KCNIP4: variants seen among roughly 807,000 people sequenced by gnomAD.
The protein encoded by KCNIP4 is Kv channel-interacting protein 4.
KCNIP4 carries 12 observed loss-of-function variants against 34.0 expected under a neutral mutation model. That is an observed-to-expected ratio of 0.35 (90% CI 0.23 to 0.57). The LOEUF (loss-of-function observed/expected upper bound fraction) is 0.57, where lower values mean the gene tolerates loss of function less well. KCNIP4 is among the 20% of genes least tolerant of loss of function. The probability of loss-of-function intolerance (pLI) is 0.83; values close to 1 mark genes in which losing one functional copy is unlikely to be tolerated. For missense variants in KCNIP4, 238 were observed against 311.7 expected (o/e 0.76, Z 1.78); for synonymous variants, 124 against 102.2 (o/e 1.21, Z -1.29).
chr4:21,728,040 T>C (rs1487870577), intron 1 of KCNIP4, among the ~76,000 whole-genome samples: 1 of 152,144 alleles, frequency 6.6e-6, no homozygotes, highest in Admixed American at 6.6e-5. Context: ...TTCTGTCTTC[T>C]GGACTCCTGT....
At chr4:21,130,897 G>A (rs904388713) in intron 1 of KCNIP4, among the ~76,000 whole-genome samples, 3 of 152,078 alleles carry the variant, frequency 2.0e-5, no homozygotes, top group Non-Finnish European at 1.5e-5. Context: ...CAAAAACACT[G>A]TAAATTAAAA....
chr4:21,829,686 C>T (rs1187263752), intron 1 of KCNIP4, among the ~76,000 whole-genome samples: 1 of 151,070 alleles, frequency 6.6e-6, no homozygotes, highest in Admixed American at 6.6e-5. Flanking sequence ...CCTATAGCAG[C>T]CATAAAAAAT....
At chr4:21,025,536 T>G (rs962614297) in intron 1 of KCNIP4, among the ~76,000 whole-genome samples, 1 of 125,510 alleles carries the variant, frequency 8.0e-6, no homozygotes. Context: ...GGTCACTCAT[T>G]GATACTGTTT....
At chr4:20,790,726 A>G (rs945480497) in intron 3 of KCNIP4, among the ~76,000 whole-genome samples, 1 of 152,176 alleles carries the variant, frequency 6.6e-6, no homozygotes, top group Non-Finnish European at 1.5e-5. Context: ...AAGTTGACAA[A>G]GCCATAAGAA....
chr4:21,795,421 T>C (rs1319842172), intron 1 of KCNIP4, among the ~76,000 whole-genome samples: 1 of 152,178 alleles, frequency 6.6e-6, no homozygotes, highest in Non-Finnish European at 1.5e-5. Flanking sequence ...CCAGTACAGT[T>C]CTCAAAGGGA....
At chr4:21,929,389 T>TA (rs1729439049) in intron 1 of KCNIP4, among the ~76,000 whole-genome samples, 3 of 152,294 alleles carry the variant, frequency 2.0e-5, no homozygotes, top group Admixed American at 2.0e-4. Context: ...AATCCCCAGG[T>TA]ATTTGTTACT....
intron 1 of KCNIP4, among the ~76,000 whole-genome samples, chr4:21,051,517 T>C (rs1170761590): frequency 6.6e-6 from 1 of 152,168 alleles, no homozygotes. Context: ...ATGGAACTCA[T>C]TGGTTTGAAT....
At chr4:21,339,220 A>G (rs921522259) in intron 1 of KCNIP4, among the ~76,000 whole-genome samples, 1 of 152,224 alleles carries the variant, frequency 6.6e-6, no homozygotes, top group Admixed American at 6.5e-5. Flanking sequence ...GTGTTATCCA[A>G]TTGCAGAAAT....
chr4:20,879,605 T>C (rs1445840233), intron 2 of KCNIP4, among the ~76,000 whole-genome samples: 5 of 152,230 alleles, frequency 3.3e-5, no homozygotes, highest in African/African-American at 1.2e-4. Context: ...ATCTTTGTCA[T>C]ATGCTGCTTC....
At chr4:21,220,253 G>C (rs927338404) in intron 1 of KCNIP4, among the ~76,000 whole-genome samples, 1 of 152,064 alleles carries the variant, frequency 6.6e-6, no homozygotes, top group Non-Finnish European at 1.5e-5. Flanking sequence ...CTCTAACCAT[G>C]GGCACAAATT....
chr4:21,101,268 T>A (rs1747918386), intron 1 of KCNIP4, among the ~76,000 whole-genome samples: 2 of 152,328 alleles, frequency 1.3e-5, no homozygotes, highest in Admixed American at 6.5e-5. Flanking sequence ...TCTCTCCATG[T>A]TGCTTGCAAA....
intron 1 of KCNIP4, among the ~76,000 whole-genome samples, chr4:21,220,505 A>G (rs563586648): frequency 1.3e-5 from 2 of 152,276 alleles, no homozygotes; most frequent in Admixed American, 1.3e-4. Context: ...ACATGTATAC[A>G]TATGTAACAA....
chr4:21,895,231 C>A (rs1042961428), intron 1 of KCNIP4, among the ~76,000 whole-genome samples: 2 of 152,102 alleles, frequency 1.3e-5, no homozygotes, highest in African/African-American at 4.8e-5. Flanking sequence ...GAGCAAAGGT[C>A]TAGAAAGATG....
chr4:21,762,058 T>C (rs977875827), intron 1 of KCNIP4, among the ~76,000 whole-genome samples: 1 of 152,220 alleles, frequency 6.6e-6, no homozygotes, highest in African/African-American at 2.4e-5. Context: ...AATGACACTT[T>C]CTAACAAAAA....
At chr4:20,923,831 A>G (rs1466365887) in intron 1 of KCNIP4, among the ~76,000 whole-genome samples, 1 of 152,058 alleles carries the variant, frequency 6.6e-6, no homozygotes, top group African/African-American at 2.4e-5. Context: ...GCAGTGTCTG[A>G]CCCACTCCAC....
Position 21,773,504 on chromosome 4 carries a change from C to A in KCNIP4, c.61+175067G>T, listed in dbSNP as rs147227278. On this transcript the variant is annotated intron_variant, in intron 1 of 8. Transcript: ENST00000382152. ...TTGTTTCTCTTTGATCTGTCTAATG[C>A]TGACAGTGGGGTATTAAAGTCTCCC... Among the ~76,000 whole-genome samples, 608 of 152,176 alleles carry A rather than the reference C, an allele frequency of 4.0e-3. 8 individuals carry two copies. The highest frequency in any genetic ancestry group is 0.014 in the African/African-American group (574 of 41,544).
At chr4:21,295,874 T>C (rs1300231513) in intron 1 of KCNIP4, among the ~76,000 whole-genome samples, 2 of 152,156 alleles carry the variant, frequency 1.3e-5, no homozygotes, top group African/African-American at 2.4e-5. Context: ...TCATATACTG[T>C]GCTTAGGACA....
At chr4:20,897,205 T>A (rs1353558131) in intron 1 of KCNIP4, among the ~76,000 whole-genome samples, 1 of 152,140 alleles carries the variant, frequency 6.6e-6, no homozygotes, top group Non-Finnish European at 1.5e-5. Context: ...ATTCCCTAAT[T>A]AGCAACCTGT....
chr4:21,764,724 T>G (rs1220000438), intron 1 of KCNIP4, among the ~76,000 whole-genome samples: 1 of 152,090 alleles, frequency 6.6e-6, no homozygotes, highest in East Asian at 1.9e-4. Context: ...CACCAAGGGC[T>G]CAGATGAGAG....
Sources: allele counts gnomAD v4.1 joint callset (sites outside exome capture counted in the v4.1 genomes callset), GRCh38; gene constraint gnomAD v4.1.1; transcripts MANE v1.5; gene names NCBI Gene and HGNC (gene_info 2026-07-23, HGNC 2026-07-21).